The following GALNT16 variants were observed in gnomAD, a reference collection of about 807,000 sequenced individuals.
The protein encoded by GALNT16 is UDP-GalNAc:polypeptide N-acetylgalactosaminyltransferase-like protein 1.
A neutral mutation model predicts 76.1 loss-of-function variants in GALNT16; 40 were observed. That is an observed-to-expected ratio of 0.53 (90% CI 0.41 to 0.68). The LOEUF is 0.68. Ranked by LOEUF, GALNT16 falls within the 30% of genes least tolerant of loss-of-function variation. The pLI is 0.00. For synonymous variants in GALNT16, 276 were observed against 285.2 expected (o/e 0.97, Z 0.32); for missense variants, 621 against 731.9 (o/e 0.85, Z 1.75).
chr14:69,358,247 G>A (rs2045704794), downstream of GALNT16: 1 of 152,370 alleles, frequency 6.6e-6, no homozygotes, highest in Non-Finnish European at 1.5e-5. Context: ...CCTCGATGGG[G>A]TCTCTGTCTG....
At chr14:69,340,066 CA>C (rs1594863784) in intron 11 of GALNT16, among the ~76,000 whole-genome samples, 1 of 151,996 alleles carries the variant, frequency 6.6e-6, no homozygotes, top group Non-Finnish European at 1.5e-5. Context: ...GGGTCGTGAC[CA>C]GCATTTAAAA....
the GALNT16 span, among the ~76,000 whole-genome samples, chr14:69,366,383 C>T: frequency 8.5e-4 from 130 of 152,312 alleles, no homozygotes; most frequent in Admixed American, 1.3e-3. Context: ...TAGCACCTTC[C>T]CACAGCAGAT....
chr14:69,376,347 T>C, the GALNT16 span, among the ~76,000 whole-genome samples: 1 of 152,206 alleles, frequency 6.6e-6, no homozygotes, highest in African/African-American at 2.4e-5. Context: ...TCAGATTATG[T>C]TTCCTCACCC....
downstream of GALNT16, chr14:69,359,284 GAATT>G (rs946726760): frequency 6.6e-6 from 1 of 152,222 alleles, no homozygotes; most frequent in African/African-American, 2.4e-5. Context: ...TTTGCTGAAT[GAATT>G]AATTAAAGAT....
the GALNT16 span, among the ~76,000 whole-genome samples, chr14:69,385,436 T>C: frequency 4.6e-5 from 7 of 152,070 alleles, no homozygotes; most frequent in Non-Finnish European, 1.0e-4. Context: ...CAGAAGATAA[T>C]TCCCCCCAGC....
At chr14:69,296,779 TGATAGA>T (rs1375157573) in intron 1 of GALNT16, among the ~76,000 whole-genome samples, 1 of 143,178 alleles carries the variant, frequency 7.0e-6, no homozygotes, top group Non-Finnish European at 1.5e-5. Context: ...GACAGATAGA[TGATAGA>T]GATAGACAGA....
intron 7 of GALNT16, among the ~76,000 whole-genome samples, chr14:69,332,882 T>G (rs1322780147): frequency 2.0e-5 from 3 of 151,998 alleles, no homozygotes; most frequent in African/African-American, 7.3e-5. Context: ...TCCACTGATT[T>G]ATTTATCTTT....
chr14:69,385,703 T>G, the GALNT16 span, among the ~76,000 whole-genome samples: 1 of 151,916 alleles, frequency 6.6e-6, no homozygotes, highest in Non-Finnish European at 1.5e-5. Context: ...TCCTCTCTTT[T>G]CATTCCCTTC....
chr14:69,341,894 T>C, intron 12 of GALNT16, 130 bp downstream of exon 12: 1 of 668,132 alleles, frequency 1.5e-6, no homozygotes, highest in Non-Finnish European at 2.7e-6. Context: ...CCGGGTTTTA[T>C]CTTCACGTGA....
At chr14:69,339,864 A>G (rs2045465014) in intron 11 of GALNT16, among the ~76,000 whole-genome samples, 1 of 152,262 alleles carries the variant, frequency 6.6e-6, no homozygotes, top group South Asian at 2.1e-4. Context: ...GCCTGTCCAC[A>G]GCTGCCTGCA....
At chr14:69,319,747 C>T (rs1393710279) in intron 1 of GALNT16, among the ~76,000 whole-genome samples, 1 of 152,170 alleles carries the variant, frequency 6.6e-6, no homozygotes, top group Non-Finnish European at 1.5e-5. Context: ...CATCACTGCC[C>T]AGCACTTAGT....
chr14:69,305,350 A>G (rs1399681672), intron 1 of GALNT16, among the ~76,000 whole-genome samples: 1 of 151,984 alleles, frequency 6.6e-6, no homozygotes, highest in Non-Finnish European at 1.5e-5. Flanking sequence ...TTGTGTAGAG[A>G]CAGGGTTTCA....
intron 4 of GALNT16, 90 bp from the exon 5 acceptor site, chr14:69,325,872 C>A: frequency 2.0e-6 from 2 of 993,042 alleles, no homozygotes; most frequent in Non-Finnish European, 3.2e-6. Context: ...CTTTCCTGGG[C>A]TTAGTATGGG....
downstream of GALNT16, chr14:69,357,435 C>G (rs2045701264): frequency 6.6e-6 from 1 of 152,292 alleles, no homozygotes; most frequent in African/African-American, 2.4e-5. Context: ...GTGACGTAGA[C>G]CAGCCTGTTA....
intron 1 of GALNT16, among the ~76,000 whole-genome samples, chr14:69,315,617 G>C (rs764594080): frequency 6.6e-6 from 1 of 152,190 alleles, no homozygotes; most frequent in Non-Finnish European, 1.5e-5. Flanking sequence ...TGCCAAAGAC[G>C]GGCCTGATAT....
chr14:69,348,049 C>A (rs768893661), intron 14 of GALNT16, 47 bp downstream of exon 14: 2 of 1,605,026 alleles, frequency 1.2e-6, no homozygotes, highest in South Asian at 1.1e-5. Context: ...CCCGAGGGGC[C>A]ATGCCTCAGG....
At chr14:69,372,895 T>C in the GALNT16 span, among the ~76,000 whole-genome samples, 4 of 152,320 alleles carry the variant, frequency 2.6e-5, no homozygotes, top group South Asian at 6.2e-4. Flanking sequence ...TTTCCTGCCC[T>C]CTGTCATTAT....
upstream of GALNT16, chr14:69,260,025 C>G: frequency 2.7e-6 from 1 of 376,070 alleles, no homozygotes; most frequent in Non-Finnish European, 4.8e-6. Flanking sequence ...GCGGCTGGAG[C>G]GCGGGGCCGG....
chr14:69,315,658 T>G lies in GALNT16; in HGVS notation c.178-5053T>G, dbSNP rs544823995. ...AATGGAGTGTTGACACCAGTGACTG[T>G]CATTGTTGTCAGTGACTCACTTGTT... On this transcript the variant is annotated intron_variant, in intron 1 of 14. Transcript: ENST00000448469. Among the ~76,000 whole-genome samples, 7 of 152,350 alleles carry G rather than the reference T, an allele frequency of 4.6e-5. No homozygotes were observed. In the East Asian group the frequency reaches 1.3e-3, roughly 29 times the overall value.
Sources: gnomAD v4.1 joint callset for allele counts (sites outside exome capture counted in the v4.1 genomes callset) on GRCh38, gnomAD v4.1.1 for gene constraint, MANE v1.5 for transcripts, NCBI Gene and HGNC (gene_info 2026-07-23, HGNC 2026-07-21) for gene names.